Variants in FUT9 observed in about 807,000 individuals in gnomAD.
FUT9 encodes the protein fucosyltransferase 9.
Under a neutral mutation model 29.7 loss-of-function variants are expected in FUT9, and 15 were observed. The observed-to-expected ratio is 0.51, with a 90% CI of 0.34 to 0.78. The LOEUF (loss-of-function observed/expected upper bound fraction) is 0.78. Ranked by LOEUF, FUT9 falls within the 30% of genes least tolerant of loss-of-function variation. The pLI is 0.01. For missense variants in FUT9, 319 were observed against 425.4 expected, an observed-to-expected ratio of 0.75 and a Z score of 2.20; for synonymous variants, 169 against 153.7, an observed-to-expected ratio of 1.10 and a Z score of -0.74.
At position 96,202,116 on chromosome 6, in the gene FUT9, G is replaced by A. The variant is rs1476506938; in HGVS notation, c.-8-1032G>A. On this transcript the variant is annotated intron_variant, in intron 2 of 2. Coordinates refer to ENST00000302103, the MANE Select transcript of FUT9 (RefSeq NM_006581.4). ...AACATGAATTTCAAATGACCCGTGA[G>A]AATTTTATCAATAAACAGTTTTTGC... is the stretch of plus-strand genomic sequence containing the variant. 2.0e-5 allele frequency among the ~76,000 whole-genome samples: 3 copies of A among 151,768 alleles called. No individual in the cohort carries two copies. In the East Asian group the frequency reaches 5.8e-4, roughly 29 times the overall value.
At chr6:96,092,174 C>T (rs557854189) in intron 1 of FUT9, among the ~76,000 whole-genome samples, 16 of 151,964 alleles carry the variant, frequency 1.1e-4, no homozygotes, top group South Asian at 6.2e-4. Flanking sequence ...TTGTAATCAA[C>T]GAAAATTTCC....
chr6:96,085,682 T>A, intron 1 of FUT9, among the ~76,000 whole-genome samples: 1 of 152,126 alleles, frequency 6.6e-6, no homozygotes, highest in East Asian at 1.9e-4. Context: ...TCTCAACACA[T>A]CATAAATTCA....
At chr6:96,062,324 T>A (rs1168284454) in intron 1 of FUT9, among the ~76,000 whole-genome samples, 1 of 151,862 alleles carries the variant, frequency 6.6e-6, no homozygotes, top group African/African-American at 2.4e-5. Flanking sequence ...ATGAGTGAAC[T>A]AAATCTTTAC....
chr6:96,031,914 C>T (rs914124579), intron 1 of FUT9, among the ~76,000 whole-genome samples: 1 of 151,520 alleles, frequency 6.6e-6, no homozygotes, highest in African/African-American at 2.4e-5. Context: ...GGCATTCAAA[C>T]TAACTAAATA....
chr6:96,123,768 G>T (rs529870944), intron 2 of FUT9, among the ~76,000 whole-genome samples: 22 of 152,146 alleles, frequency 1.4e-4, no homozygotes, highest in African/African-American at 5.1e-4. Flanking sequence ...TCCTAGGAGC[G>T]TGGGGACATT....
intron 1 of FUT9, among the ~76,000 whole-genome samples, chr6:96,050,122 T>A (rs2477513): frequency 0.07 from 10,692 of 152,018 alleles, 958 homozygotes; most frequent in African/African-American, 0.21. Context: ...GCATGCTCCA[T>A]CACCACACTA....
At chr6:96,045,005 TG>T (rs1770538396) in intron 1 of FUT9, among the ~76,000 whole-genome samples, 1 of 152,150 alleles carries the variant, frequency 6.6e-6, no homozygotes, top group Admixed American at 6.6e-5. Flanking sequence ...CGATAAAATA[TG>T]GGGAGTCAAT....
rs558684830 is a variant in FUT9, at chr6:96,081,185, T to G, written c.-97-32854T>G. Among the ~76,000 whole-genome samples the G allele has an allele frequency of 2.0e-5, 3 of 152,000 alleles. 1 individual carries two copies. In the South Asian group the frequency reaches 6.2e-4, roughly 31 times the overall value. On this transcript the variant is annotated intron_variant, in intron 1 of 2. Coordinates refer to ENST00000302103, the MANE Select transcript of FUT9 (RefSeq NM_006581.4). ...TTAAGGAATATTTTTCAATGAATAT[T>G]TAACATCATAAATAAAACAATATCA...
chr6:96,183,460 C>G (rs185444295), intron 2 of FUT9, among the ~76,000 whole-genome samples: 1 of 151,986 alleles, frequency 6.6e-6, no homozygotes, highest in Non-Finnish European at 1.5e-5. Context: ...TCTGATTGGT[C>G]TGAGACTTCC....
chr6:96,145,804 C>G (rs183638397), intron 2 of FUT9, among the ~76,000 whole-genome samples: 187 of 152,248 alleles, frequency 1.2e-3, no homozygotes, highest in Admixed American at 5.9e-3. Context: ...AAGGCCTTCA[C>G]AGGTTGTAGG....
chr6:96,192,863 C>A (rs1773539108), intron 2 of FUT9, among the ~76,000 whole-genome samples: 1 of 151,892 alleles, frequency 6.6e-6, no homozygotes, highest in African/African-American at 2.4e-5. Flanking sequence ...AGATATAGAC[C>A]AATGGAATAG....
At chr6:96,036,579 G>T (rs1438879240) in intron 1 of FUT9, 1 of 151,808 alleles carries the variant, frequency 6.6e-6, no homozygotes, top group African/African-American at 2.4e-5. Flanking sequence ...CCCATAACAT[G>T]TACATTTAAT....
Position 96,090,654 on chromosome 6 carries a change from A to T in FUT9, c.-97-23385A>T, listed in dbSNP as rs114736380. ...AAGGAAAAGCAAAATAAACAATATT[A>T]AGAATGAAAAAGCGATGCAACTATA... On this transcript the variant is annotated intron_variant, in intron 1 of 2. Transcript: ENST00000302103. 4.7e-3 allele frequency among the ~76,000 whole-genome samples: 722 copies of T among 152,100 alleles called. 5 individuals are homozygous for T. The highest frequency in any genetic ancestry group is 0.017 in the African/African-American group (698 of 41,548).
chr6:96,106,337 T>C (rs1322241132), intron 1 of FUT9, among the ~76,000 whole-genome samples: 3 of 151,996 alleles, frequency 2.0e-5, no homozygotes, highest in Non-Finnish European at 2.9e-5. Context: ...CCCTGCTTTA[T>C]CTTATCTTGA....
Position 96,205,144 on chromosome 6 carries a change from C to T in FUT9, c.*909C>T. 1 of 166,772 alleles carries T rather than the reference C, an allele frequency of 6.0e-6. No individual in the cohort carries two copies. The allele number at this position is 166,772 out of a possible 1,614,324, so 10.3% of individuals were successfully genotyped here. On this transcript the variant is annotated 3_prime_UTR_variant, in exon 3 of 3. Coordinates refer to ENST00000302103, the MANE Select transcript of FUT9 (RefSeq NM_006581.4). ...ATCAATTTAAGATTTTTTTCTGAAG[C>T]CCTAATATTTAAAATGGTCTTATTT... is the stretch of plus-strand genomic sequence containing the variant.
intron 1 of FUT9, among the ~76,000 whole-genome samples, chr6:96,095,092 A>G (rs961602699): frequency 6.6e-6 from 1 of 152,224 alleles, no homozygotes; most frequent in Non-Finnish European, 1.5e-5. Context: ...TTATTTACAC[A>G]CTAGTTTAAA....
chr6:96,181,545 C>A lies in FUT9; in HGVS notation c.-8-21603C>A, dbSNP rs575960790. ...AGATTTTGGTGCACAAATCACCAAGCAGTATACACTGCACCCTATTTGTAG... is the reference window on the plus strand; with the variant it reads ...AGATTTTGGTGCACAAATCACCAAGAAGTATACACTGCACCCTATTTGTAG... On this transcript the variant is annotated intron_variant, in intron 2 of 2. Transcript: ENST00000302103. 1.2e-3 allele frequency among the ~76,000 whole-genome samples: 183 copies of A among 151,848 alleles called. 5 individuals carry two copies. In the South Asian group the frequency reaches 0.038, roughly 31 times the overall value.
At position 96,203,333 on chromosome 6, in the gene FUT9, T is replaced by C; in HGVS notation, c.178T>C (p.Tyr60His). 1 of 1,613,926 alleles carries C rather than the reference T, an allele frequency of 6.2e-7. No individual in the cohort carries two copies. Among genetic ancestry groups the C allele is most frequent in the South Asian group, 1.1e-5 (1 of 91,076 alleles). Reference sequence around the variant, plus strand: ...AAACTTCTTTTCCACCAAAACTGATTATTTTAATGAAACTACTATTCTGGT... The same window carrying C: ...AAACTTCTTTTCCACCAAAACTGATCATTTTAATGAAACTACTATTCTGGT... ...MKNFFSTKTD[Y>H]FNETTILVWV... Residue 60 changes from tyrosine to histidine, a missense_variant, in exon 3 of 3, where the codon TAT (tyrosine) becomes CAT (histidine). By Grantham distance (83) the Tyr-to-His change is moderately conservative. Coordinates refer to ENST00000302103, the MANE Select transcript of FUT9 (RefSeq NM_006581.4).
At chr6:96,167,305 G>T (rs572677107) in intron 2 of FUT9, among the ~76,000 whole-genome samples, 5 of 152,098 alleles carry the variant, frequency 3.3e-5, no homozygotes, top group African/African-American at 9.6e-5. Context: ...AAATGCCTTG[G>T]CCAACCTGAT....
Sources: gnomAD v4.1 joint callset for allele counts (sites outside exome capture counted in the v4.1 genomes callset) on GRCh38, gnomAD v4.1.1 for gene constraint, MANE v1.5 for transcripts, NCBI Gene and HGNC (gene_info 2026-07-23, HGNC 2026-07-21) for gene names.